FYCO1: variants seen among roughly 807,000 people sequenced by gnomAD.
FYCO1 encodes FYVE and coiled-coil domain-containing protein 1.
In FYCO1, 122 loss-of-function variants were observed where a neutral mutation model predicts 165.1. The observed-to-expected ratio is 0.74, with a 90% CI of 0.64 to 0.86. The LOEUF is 0.86. FYCO1 is among the 40% of genes least tolerant of loss of function. The pLI is 0.00. For missense variants in FYCO1, 1,702 were observed against 1,810.3 expected (o/e 0.94, Z 1.09); for synonymous variants, 648 against 742.5 (o/e 0.87, Z 2.07).
chr3:45,966,950 A>T lies in FYCO1; in HGVS notation c.2384T>A (p.Leu795His). ...VQRLQAQVVD[L>H]QAKMRAALDD... is the part of the protein sequence containing the mutation. The stretch of plus-strand genomic sequence containing the variant: ...CAGGGCTGCCCGCATCTTGGCCTGG[A>T]GGTCCACCACCTGAGCCTGCAGCCG... Residue 795 changes from leucine to histidine, a missense_variant, in exon 8 of 18, where the codon CTC (leucine) becomes CAC (histidine). By Grantham distance (99) the Leu-to-His change is moderately conservative. Coordinates refer to ENST00000296137, the MANE Select transcript of FYCO1 (RefSeq NM_024513.4). 1 of 1,613,588 alleles carries T rather than the reference A, an allele frequency of 6.2e-7. No individual in the cohort carries two copies.
rs1449565998 is a variant in FYCO1 at position 45,962,807 on chromosome 3, CTT to C, written c.3270-417_3270-416del. ...GGTGGCCACACAGAGGAGGGCCTGT[CTT>C]CCACACGTCCTTGGGACTCTACACA... is the stretch of plus-strand genomic sequence containing the variant. On this transcript the variant is annotated intron_variant, in intron 10 of 17. Transcript: ENST00000296137. This position sits in a 1 kb window ranked among gnomAD's most constrained non-coding sequence, Gnocchi z 4.4. 6.6e-6 allele frequency among the ~76,000 whole-genome samples: 1 copy of C among 152,094 alleles called. No homozygotes were observed. The highest frequency in any genetic ancestry group is 1.9e-4 in the East Asian group (1 of 5,184).
chr3:45,965,046 ACAGCTTCCTCAGCAGCCTG>A lies in FYCO1; in HGVS notation c.3118_3136del (p.Gln1040TrpfsTer4). On this transcript the variant is annotated frameshift_variant, in exon 9 of 18. Coordinates refer to ENST00000296137, the MANE Select transcript of FYCO1 (RefSeq NM_024513.4). LOFTEE classifies it high-confidence loss of function. ...ACCAGGGCCTACCTTCAGCTTCTCC[ACAGCTTCCTCAGCAGCCTG>A]CAGCTGCCGGCCTTGCTCCTCAAGC... is the stretch of plus-strand genomic sequence containing the variant. 6.2e-7 allele frequency: 1 copy of A among 1,614,076 alleles called. No individual in the cohort carries two copies. Among genetic ancestry groups the A allele is most frequent in the Non-Finnish European group, 8.5e-7 (1 of 1,179,972 alleles).
chr3:45,986,660 A>G (rs1183213473), intron 1 of FYCO1, among the ~76,000 whole-genome samples: 1 of 152,178 alleles, frequency 6.6e-6, no homozygotes, highest in East Asian at 1.9e-4. Flanking sequence ...GGGGAGCCAC[A>G]GAGAACCCCC....
chr3:45,937,944 G>C (rs1378866402), intron 14 of FYCO1, among the ~76,000 whole-genome samples: 1 of 152,182 alleles, frequency 6.6e-6, no homozygotes, highest in Non-Finnish European at 1.5e-5. Context: ...CTTGACAGCA[G>C]GGAAGCACAA....
rs1705907785 is a variant in FYCO1, at chr3:45,964,885, C to T, written c.3150+148G>A. 1.5e-5 allele frequency: 11 copies of T among 731,582 alleles called. No homozygotes were observed. Among genetic ancestry groups the T allele is most frequent in the Non-Finnish European group, 2.7e-5 (11 of 408,272 alleles). 45.3% of individuals were successfully genotyped at this position (731,582 alleles called of 1,614,324 possible). On this transcript the variant is annotated intron_variant, in intron 9 of 17. Transcript: ENST00000296137. This position sits in a 1 kb window ranked among gnomAD's most constrained non-coding sequence, Gnocchi z 4.1. ...TGTCCAGGGAATGGATGGAGGGGGT[C>T]AGGGTACAAACTAGGGTGTCTACAA...
At chr3:45,986,071 A>G (rs925756682) in intron 1 of FYCO1, among the ~76,000 whole-genome samples, 3 of 152,244 alleles carry the variant, frequency 2.0e-5, no homozygotes, top group Admixed American at 1.3e-4. Flanking sequence ...AGCAGATAAC[A>G]TCGTCCCTGT....
At position 45,971,023 on chromosome 3, in the gene FYCO1, T is replaced by C. The variant is rs983736229; in HGVS notation, c.540-1258A>G. The stretch of plus-strand genomic sequence containing the variant: ...GAAAGGATGGCATTGGGGTGGGGCT[T>C]TAGCTGATCTATAATATTTTATTTC... On this transcript the variant is annotated intron_variant, in intron 6 of 17. Transcript: ENST00000296137. Among the ~76,000 whole-genome samples the C allele has an allele frequency of 2.0e-5, 3 of 152,136 alleles. No homozygotes were observed. In the East Asian group the frequency reaches 5.8e-4, roughly 29 times the overall value.
intron 13 of FYCO1, among the ~76,000 whole-genome samples, chr3:45,956,101 C>G: frequency 6.6e-6 from 1 of 152,198 alleles, no homozygotes; most frequent in East Asian, 1.9e-4. Context: ...TTTGGGAAGC[C>G]GGGGTGGGTG....
At chr3:45,995,521 C>T (rs1056162642) in intron 1 of FYCO1, among the ~76,000 whole-genome samples, 16 of 152,242 alleles carry the variant, frequency 1.1e-4, no homozygotes, top group African/African-American at 3.6e-4. Context: ...GGTGCCTGGG[C>T]CGGCTTCCAC....
At chr3:45,946,222 T>C in intron 14 of FYCO1, 1 of 449,152 alleles carries the variant, frequency 2.2e-6, no homozygotes. Flanking sequence ...TTATGAGTTG[T>C]CTCCCAGATG....
chr3:45,965,180 T>G, intron 8 of FYCO1, 55 bp from the exon 9 acceptor site: 1 of 1,361,332 alleles, frequency 7.3e-7, no homozygotes, highest in Admixed American at 1.7e-5. Context: ...GCTCTGAGGA[T>G]CCCTCAGCCC....
intron 4 of FYCO1, among the ~76,000 whole-genome samples, chr3:45,978,294 C>A (rs1046009135): frequency 6.6e-6 from 1 of 152,164 alleles, no homozygotes. Flanking sequence ...CAAAGAGAAC[C>A]TCTTCCACAT....
intron 5 of FYCO1, among the ~76,000 whole-genome samples, chr3:45,974,730 G>T (rs1237056192): frequency 6.6e-6 from 1 of 152,052 alleles, no homozygotes; most frequent in African/African-American, 2.4e-5. Context: ...CTTCCCTTTT[G>T]AGGCTTCAGC....
At chr3:45,937,594 G>C (rs192964566) in intron 14 of FYCO1, among the ~76,000 whole-genome samples, 1 of 152,338 alleles carries the variant, frequency 6.6e-6, no homozygotes, top group African/African-American at 2.4e-5. Flanking sequence ...AGTTTTAAAG[G>C]ACTCAGAGAT....
Position 45,967,866 on chromosome 3 carries a change from A to G in FYCO1, c.1468T>C (p.Leu490=). The G allele has an allele frequency of 3.7e-6, 6 of 1,613,238 alleles. No individual in the cohort carries two copies. The South Asian group carries it at 6.6e-5, about 18-fold the overall frequency. ...TGTTGCTGTTTTTTCTCCCGCCTCAACTCTGCTAGCTCCTCCTCCCAGGAG... is the reference window on the plus strand; with the variant it reads ...TGTTGCTGTTTTTTCTCCCGCCTCAGCTCTGCTAGCTCCTCCTCCCAGGAG... ...TSSWEEELAE[L]RREKKQQQEE... Residue 490 remains leucine, a synonymous_variant, in exon 8 of 18, where the codon TTG becomes CTG. Transcript: ENST00000296137.
At chr3:45,972,923 T>C (rs1278284770) in intron 6 of FYCO1, among the ~76,000 whole-genome samples, 165 bp downstream of exon 6, 10 of 152,220 alleles carry the variant, frequency 6.6e-5, no homozygotes. Flanking sequence ...GATGTTATTG[T>C]TAGTCATGAT....
chr3:45,961,769 A>C (rs73830667), intron 11 of FYCO1, among the ~76,000 whole-genome samples: 1 of 152,216 alleles, frequency 6.6e-6, no homozygotes, highest in African/African-American at 2.4e-5. Flanking sequence ...GCTGGGTGAC[A>C]GGTACCTGGA....
rs1308370281 is a variant in FYCO1 at position 45,936,491 on chromosome 3, C to G, written c.3997G>C (p.Gly1333Arg). Residue 1333 changes from glycine (G) to arginine (R), a missense_variant, in exon 15 of 18, where the codon GGG (glycine) becomes CGG (arginine). Coordinates refer to ENST00000296137, the MANE Select transcript of FYCO1 (RefSeq NM_024513.4). ...TPEDTEDMPV[G>R]QDSEICLLKS... is the part of the protein sequence containing the mutation. ...AGCAGGCAGATTTCCGAATCCTGCC[C>G]CACGGGCATGTCTTCAGTGTCCTCA... 1.9e-6 allele frequency: 3 copies of G among 1,613,940 alleles called. No homozygotes were observed. The highest frequency in any genetic ancestry group is 2.5e-6 in the Non-Finnish European group (3 of 1,179,928).
rs1412013637 is a variant in FYCO1, at chr3:45,985,667, C to G, written c.-112-645G>C. Among the ~76,000 whole-genome samples, 4 of 152,232 alleles carry G rather than the reference C, an allele frequency of 2.6e-5. No homozygotes were observed. The South Asian group carries it at 8.3e-4, about 31-fold the overall frequency. Reference sequence around the variant, plus strand: ...TGCTGCCTGGCCTTCTCTCCAGAGGCCTGCACAGCCCCTGCACCAGGCAAT... The same window carrying G: ...TGCTGCCTGGCCTTCTCTCCAGAGGGCTGCACAGCCCCTGCACCAGGCAAT... On this transcript the variant is annotated intron_variant, in intron 1 of 17. Coordinates refer to ENST00000296137, the MANE Select transcript of FYCO1 (RefSeq NM_024513.4).
Sources: gnomAD v4.1 joint callset for allele counts (sites outside exome capture counted in the v4.1 genomes callset) on GRCh38, gnomAD v4.1.1 for gene constraint, Gnocchi (gnomAD v3.1) non-coding constraint, MANE v1.5 for transcripts, NCBI Gene and HGNC (gene_info 2026-07-23, HGNC 2026-07-21) for gene names.